The following TMCC3 variants were observed in gnomAD, a reference collection of about 807,000 sequenced individuals.
The protein encoded by TMCC3 is transmembrane and coiled-coil domain family 3.
Under a neutral mutation model 40.2 loss-of-function variants are expected in TMCC3, and 28 were observed. That is an observed-to-expected ratio of 0.70 (90% CI 0.52 to 0.95). The LOEUF (loss-of-function observed/expected upper bound fraction) is 0.95. TMCC3 is among the 40% of genes least tolerant of loss of function. The pLI, the probability that TMCC3 is intolerant of heterozygous loss-of-function variation, is 0.00. For missense variants in TMCC3, 554 were observed against 615.2 expected, an observed-to-expected ratio of 0.90 and a Z score of 1.05; for synonymous variants, 255 against 248.5, an observed-to-expected ratio of 1.03 and a Z score of -0.25.
intron 1 of TMCC3, among the ~76,000 whole-genome samples, chr12:94,639,817 T>C (rs907035359): frequency 6.7e-6 from 1 of 149,246 alleles, no homozygotes; most frequent in African/African-American, 2.5e-5. Context: ...TATAAAAATC[T>C]CACTCGGTTC....
In TMCC3 at chr12:94,581,702, A is replaced by C. The variant is rs763777467; in HGVS notation, c.915T>G (p.Ala305=). The change falls in exon 2 of 4, where the codon GCT becomes GCG. Residue 305 remains alanine, a synonymous_variant. Transcript: ENST00000261226. ...REIKDTQAQL[A]EDIEALKVQF... ...GCACCTTCAGTGCCTCGATGTCCTC[A>C]GCCAGCTGAGCTTGGGTATCCTTGA... 1 of 1,614,230 alleles carries C rather than the reference A, an allele frequency of 6.2e-7. No individual in the cohort carries two copies. The highest frequency in any genetic ancestry group is 1.1e-5 in the South Asian group (1 of 91,086).
intron 1 of TMCC3, among the ~76,000 whole-genome samples, chr12:94,641,783 T>C (rs1475148888): frequency 2.0e-5 from 3 of 152,136 alleles, no homozygotes; most frequent in Admixed American, 6.5e-5. Context: ...ATGAGCTCCA[T>C]GGCTTATGCA....
chr12:94,640,386 G>A (rs1408483036), intron 1 of TMCC3, among the ~76,000 whole-genome samples: 2 of 152,150 alleles, frequency 1.3e-5, no homozygotes, highest in Non-Finnish European at 2.9e-5. Context: ...GTTTGGCCAT[G>A]TTGCTCAGGC....
intron 1 of TMCC3, among the ~76,000 whole-genome samples, chr12:94,620,843 T>C (rs1407187582): frequency 6.6e-6 from 1 of 152,226 alleles, no homozygotes; most frequent in African/African-American, 2.4e-5. Flanking sequence ...CTTTATGTGT[T>C]GCTGACTCTT....
At chr12:94,614,134 C>T (rs897461130) in intron 1 of TMCC3, among the ~76,000 whole-genome samples, 4 of 149,610 alleles carry the variant, frequency 2.7e-5, no homozygotes, top group African/African-American at 7.4e-5. Flanking sequence ...GTAAATTACA[C>T]AGTAAAATAA....
intron 1 of TMCC3, among the ~76,000 whole-genome samples, chr12:94,644,126 C>G (rs1042183886): frequency 6.6e-6 from 1 of 152,188 alleles, no homozygotes; most frequent in East Asian, 1.9e-4. Flanking sequence ...TACTATGGTT[C>G]CTTTCAGGCA....
chr12:94,588,646 T>G (rs955523999), intron 1 of TMCC3, among the ~76,000 whole-genome samples: 1 of 152,234 alleles, frequency 6.6e-6, no homozygotes, highest in Non-Finnish European at 1.5e-5. Flanking sequence ...TGAAGGCTTT[T>G]ACAAGTCTTC....
chr12:94,586,033 A>G (rs1412907264), intron 1 of TMCC3, among the ~76,000 whole-genome samples: 1 of 152,230 alleles, frequency 6.6e-6, no homozygotes, highest in Non-Finnish European at 1.5e-5. Context: ...CCATTGAGCC[A>G]AAAAATCACC....
intron 1 of TMCC3, among the ~76,000 whole-genome samples, chr12:94,622,877 G>A (rs964488992): frequency 3.4e-5 from 5 of 148,712 alleles, no homozygotes; most frequent in Non-Finnish European, 7.4e-5. Context: ...CAACACTTCT[G>A]TATTTACTGA....
At chr12:94,637,872 ACACACATT>A (rs1356468989) in intron 1 of TMCC3, among the ~76,000 whole-genome samples, 1 of 152,220 alleles carries the variant, frequency 6.6e-6, no homozygotes, top group African/African-American at 2.4e-5. Flanking sequence ...TTCACAACAT[ACACACATT>A]CACTCATTCA....
intron 1 of TMCC3, among the ~76,000 whole-genome samples, chr12:94,644,945 C>T (rs1344228011): frequency 6.6e-6 from 1 of 152,242 alleles, no homozygotes; most frequent in Non-Finnish European, 1.5e-5. Context: ...ACAGGTGGCA[C>T]TCACGCTTGA....
At chr12:94,586,641 T>C (rs199842933) in intron 1 of TMCC3, among the ~76,000 whole-genome samples, 2 of 152,068 alleles carry the variant, frequency 1.3e-5, no homozygotes, top group African/African-American at 4.8e-5. Flanking sequence ...GAGCAGTAAA[T>C]AAACACCTGT....
At chr12:94,582,850 G>A (rs12300182) in intron 1 of TMCC3, among the ~76,000 whole-genome samples, 2 of 151,850 alleles carry the variant, frequency 1.3e-5, no homozygotes, top group African/African-American at 2.4e-5. Context: ...AGTCAGTCCC[G>A]GTCTCCCAAA....
chr12:94,616,461 C>G (rs972770690), intron 1 of TMCC3: 1 of 152,558 alleles, frequency 6.6e-6, no homozygotes, highest in Non-Finnish European at 1.5e-5. Flanking sequence ...GGCTTAAAGA[C>G]AGTGAGCAGT....
intron 1 of TMCC3, among the ~76,000 whole-genome samples, chr12:94,624,653 G>A (rs980462697): frequency 2.6e-5 from 4 of 152,052 alleles, no homozygotes; most frequent in Non-Finnish European, 5.9e-5. Flanking sequence ...GGCAGAGGTT[G>A]CAGTGAGCCG....
intron 1 of TMCC3, among the ~76,000 whole-genome samples, chr12:94,590,140 C>T (rs1345436555): frequency 7.4e-5 from 10 of 135,800 alleles, no homozygotes; most frequent in African/African-American, 2.5e-4. Context: ...CTCTCTCTGT[C>T]GCCCAGGCTG....
At chr12:94,586,059 G>T (rs1048924605) in intron 1 of TMCC3, among the ~76,000 whole-genome samples, 2 of 152,154 alleles carry the variant, frequency 1.3e-5, no homozygotes, top group African/African-American at 4.8e-5. Context: ...AGTTCTGCTC[G>T]CATAGCCCTG....
intron 1 of TMCC3, among the ~76,000 whole-genome samples, chr12:94,630,713 G>A (rs183094381): frequency 4.0e-4 from 58 of 145,208 alleles, no homozygotes; most frequent in African/African-American, 9.6e-4. Flanking sequence ...TCTTGTAAAC[G>A]TTTTGTGTTT....
At chr12:94,608,662 G>T (rs542308588) in intron 1 of TMCC3, among the ~76,000 whole-genome samples, 7 of 152,214 alleles carry the variant, frequency 4.6e-5, no homozygotes, top group Admixed American at 1.3e-4. Flanking sequence ...ACTCAAACCT[G>T]TCTCTGTCCA....
Sources: allele counts gnomAD v4.1 joint callset (sites outside exome capture counted in the v4.1 genomes callset), GRCh38; gene constraint gnomAD v4.1.1; transcripts MANE v1.5; gene names NCBI Gene and HGNC (gene_info 2026-07-23, HGNC 2026-07-21).